APBA2: variants seen among roughly 807,000 people sequenced by gnomAD.
APBA2 encodes the protein amyloid beta precursor protein binding family A member 2, also known as amyloid-beta A4 precursor protein-binding family A member 2.
A neutral mutation model predicts 75.0 loss-of-function variants in APBA2; 30 were observed. The ratio of observed to expected loss-of-function variants is 0.40; its 90% confidence interval spans 0.30 to 0.54. APBA2 has a LOEUF of 0.54. Ranked by LOEUF, APBA2 falls within the 20% of genes least tolerant of loss-of-function variation. The pLI is 0.49. For synonymous variants in APBA2, 444 were observed against 409.6 expected, an observed-to-expected ratio of 1.08 and a Z score of -1.01; for missense variants, 801 against 1,016.1, an observed-to-expected ratio of 0.79 and a Z score of 2.88.
chr15:29,098,477 C>G lies in APBA2; in HGVS notation c.1252-13C>G, dbSNP rs1376796440. 4.4e-6 allele frequency: 7 copies of G among 1,607,712 alleles called. No individual in the cohort carries two copies. Among genetic ancestry groups the G allele is most frequent in the Non-Finnish European group, 6.0e-6 (7 of 1,174,118 alleles). On this transcript the variant is annotated splice_polypyrimidine_tract_variant and intron_variant, in intron 8 of 14. Transcript: ENST00000683413. ...GGTTTTTGGACTTTAACAATATCCA[C>G]TGTCCTTCTTAGAATTCTGAGGGGG...
intron 2 of APBA2, among the ~76,000 whole-genome samples, chr15:28,985,394 G>A (rs1190170626): frequency 1.3e-5 from 2 of 152,152 alleles, no homozygotes; most frequent in Admixed American, 1.3e-4. Context: ...AGATTTTCGT[G>A]GTCATTTTCC....
intron 4 of APBA2, among the ~76,000 whole-genome samples, chr15:29,063,367 T>TG (rs534711515): frequency 7.9e-6 from 1 of 126,562 alleles, no homozygotes; most frequent in Non-Finnish European, 1.7e-5. Context: ...GGAGTTGATC[T>TG]GGTCAGTGTC....
At position 29,117,180 on chromosome 15, in the gene APBA2, C is replaced by A. The variant is rs111728060; in HGVS notation, c.*47C>A. 6.3e-7 allele frequency: 1 copy of A among 1,589,120 alleles called. No homozygotes were observed. The highest frequency in any genetic ancestry group is 8.6e-7 in the Non-Finnish European group (1 of 1,158,886). On this transcript the variant is annotated 3_prime_UTR_variant, in exon 15 of 15. Transcript: ENST00000683413. ...AGCCAGGACACCGGGCAGGGCCGCC[C>A]GGGCCCAGAGGAGCTGGGAGCCGGG...
At chr15:28,980,510 A>T (rs2037564975) in intron 2 of APBA2, among the ~76,000 whole-genome samples, 2 of 152,182 alleles carry the variant, frequency 1.3e-5, no homozygotes, top group Non-Finnish European at 2.9e-5. Flanking sequence ...ACTTAGGACT[A>T]CAGCGAACCA....
intron 2 of APBA2, among the ~76,000 whole-genome samples, chr15:28,994,525 C>T (rs957035140): frequency 5.9e-5 from 9 of 152,150 alleles, no homozygotes; most frequent in South Asian, 2.1e-4. Flanking sequence ...AAGCAGGTTA[C>T]GGCTCTGCAG....
chr15:29,095,296 G>A (rs761092703), intron 8 of APBA2, among the ~76,000 whole-genome samples: 23 of 152,108 alleles, frequency 1.5e-4, no homozygotes, highest in Admixed American at 3.3e-4. Flanking sequence ...AGGCATGGTG[G>A]TACATGCCTG....
intron 2 of APBA2, among the ~76,000 whole-genome samples, chr15:28,960,133 A>G (rs1316287864): frequency 3.8e-4 from 52 of 135,282 alleles, no homozygotes; most frequent in African/African-American, 1.4e-3. Flanking sequence ...CAGGTGACAG[A>G]GTGAGACCTT....
At chr15:29,048,135 G>A (rs2041429170) in intron 3 of APBA2, among the ~76,000 whole-genome samples, 1 of 151,912 alleles carries the variant, frequency 6.6e-6, no homozygotes, top group Non-Finnish European at 1.5e-5. Context: ...ATCACTTGAG[G>A]CAGGAGTTGG....
intron 3 of APBA2, among the ~76,000 whole-genome samples, chr15:29,023,600 C>T (rs2040066273): frequency 6.6e-6 from 1 of 150,802 alleles, no homozygotes. Context: ...TGAATACAGG[C>T]GTCCGCCCCC....
intron 2 of APBA2, among the ~76,000 whole-genome samples, chr15:28,928,493 T>C (rs1430468443): frequency 3.9e-5 from 6 of 152,124 alleles, no homozygotes; most frequent in Non-Finnish European, 1.5e-5. Context: ...GCCAGCGGTC[T>C]ATAGTCTTCT....
At chr15:28,889,866 T>A (rs541727157) in intron 1 of APBA2, among the ~76,000 whole-genome samples, 3 of 152,370 alleles carry the variant, frequency 2.0e-5, no homozygotes, top group African/African-American at 7.2e-5. Flanking sequence ...TTAACCTTGC[T>A]TTGTGTTTCT....
At chr15:29,029,213 A>G (rs959878008) in intron 3 of APBA2, among the ~76,000 whole-genome samples, 15 of 151,820 alleles carry the variant, frequency 9.9e-5, no homozygotes, top group African/African-American at 3.6e-4. Context: ...TCCAGTTTCA[A>G]TTTTTTGCAT....
chr15:28,897,956 GT>G (rs775766839), intron 1 of APBA2, among the ~76,000 whole-genome samples: 4 of 152,178 alleles, frequency 2.6e-5, no homozygotes, highest in African/African-American at 4.8e-5. Context: ...AATTATCTGG[GT>G]GGGCCCTAAA....
rs948783951 is a variant in APBA2, at chr15:28,918,257, C to T, written c.-204-3383C>T. Among the ~76,000 whole-genome samples, 1 of 152,192 alleles carries T rather than the reference C, an allele frequency of 6.6e-6. No individual in the cohort carries two copies. The highest frequency in any genetic ancestry group is 6.5e-5 in the Admixed American group (1 of 15,282). ...CCACGGAGCCGGTCAGTGACAGAGC[C>T]GGGTCTCAACCCAGGCCACTGCCCT... On this transcript the variant is annotated intron_variant, in intron 1 of 14. Coordinates refer to ENST00000683413, the MANE Select transcript of APBA2 (RefSeq NM_001353788.2). This position sits in a 1 kb window ranked among gnomAD's most constrained non-coding sequence, Gnocchi z 4.2.
intron 1 of APBA2, among the ~76,000 whole-genome samples, chr15:28,891,525 A>C (rs147501681): frequency 3.9e-5 from 6 of 152,206 alleles, no homozygotes; most frequent in Non-Finnish European, 8.8e-5. Flanking sequence ...CACAGATGAC[A>C]TGGGCCCTTC....
intron 3 of APBA2, among the ~76,000 whole-genome samples, chr15:29,041,802 G>A (rs1213517202): frequency 6.6e-6 from 1 of 152,186 alleles, no homozygotes; most frequent in Non-Finnish European, 1.5e-5. Context: ...GGGATCAATA[G>A]TGGAAACAAT....
At chr15:28,971,793 C>T (rs1481469631) in intron 2 of APBA2, among the ~76,000 whole-genome samples, 1 of 152,166 alleles carries the variant, frequency 6.6e-6, no homozygotes, top group Non-Finnish European at 1.5e-5. Flanking sequence ...GAGCAAGCCA[C>T]ACAGACCTCT....
chr15:28,937,921 T>G (rs1235376834), intron 2 of APBA2, among the ~76,000 whole-genome samples: 1 of 152,178 alleles, frequency 6.6e-6, no homozygotes, highest in East Asian at 1.9e-4. Context: ...CCTCCCAAAG[T>G]GCTGGGATTA....
intron 2 of APBA2, among the ~76,000 whole-genome samples, chr15:28,923,988 T>C (rs1159527434): frequency 1.3e-5 from 2 of 152,224 alleles, no homozygotes; most frequent in Non-Finnish European, 2.9e-5. Flanking sequence ...CAAGAGAAGA[T>C]GCAGAAAGGC....
Sources: allele counts gnomAD v4.1 joint callset (sites outside exome capture counted in the v4.1 genomes callset), GRCh38; gene constraint gnomAD v4.1.1; non-coding constraint Gnocchi (gnomAD v3.1); transcripts MANE v1.5; gene names NCBI Gene and HGNC (gene_info 2026-07-23, HGNC 2026-07-21).